Variants in CDH18 observed in about 807,000 individuals in gnomAD.
The protein encoded by CDH18 is cadherin-18.
CDH18 carries 31 observed loss-of-function variants against 67.9 expected under a neutral mutation model. The ratio of observed to expected loss-of-function variants is 0.46; its 90% CI spans 0.34 to 0.62. The LOEUF (loss-of-function observed/expected upper bound fraction) is 0.62, where lower values mean the gene tolerates loss of function less well. Ranked by LOEUF, CDH18 falls within the 20% of genes least tolerant of loss-of-function variation. The probability of loss-of-function intolerance (pLI) is 0.01; values close to 1 mark genes in which losing one functional copy is unlikely to be tolerated. For missense variants in CDH18, 890 were observed against 975.5 expected, an observed-to-expected ratio of 0.91 and a Z score of 1.17; for synonymous variants, 362 against 347.2, an observed-to-expected ratio of 1.04 and a Z score of -0.48.
At chr5:19,565,506 A>G (rs924861410) in intron 8 of CDH18, among the ~76,000 whole-genome samples, 1 of 152,332 alleles carries the variant, frequency 6.6e-6, no homozygotes, top group African/African-American at 2.4e-5. Context: ...GTACCCCCTA[A>G]TGCAGATATA....
At chr5:19,553,777 A>G (rs1580173626) in intron 8 of CDH18, among the ~76,000 whole-genome samples, 1 of 151,532 alleles carries the variant, frequency 6.6e-6, no homozygotes, top group Admixed American at 6.6e-5. Flanking sequence ...AGAAGCTGGG[A>G]CCATAGGTGT....
At chr5:19,644,727 G>A (rs1198451010) in intron 5 of CDH18, among the ~76,000 whole-genome samples, 1 of 152,192 alleles carries the variant, frequency 6.6e-6, no homozygotes, top group East Asian at 1.9e-4. Flanking sequence ...GACCCGTGAA[G>A]CATCTGCACC....
rs1419404378 is a variant in CDH18 at position 20,429,056 on chromosome 5, AT to A, written c.-580+146405del. Among the ~76,000 whole-genome samples, 4 of 148,268 alleles carry A rather than the reference AT, an allele frequency of 2.7e-5. No homozygotes were observed. In the East Asian group the frequency reaches 8.1e-4, roughly 30 times the overall value. ...TGTAAAAGAGCACAAACACTCGTCTATTTTTTTTGCTGATACCTCTTTTTTT... is the reference window on the plus strand; with the variant it reads ...TGTAAAAGAGCACAAACACTCGTCTATTTTTTTGCTGATACCTCTTTTTTT... On this transcript the variant is annotated intron_variant, in intron 1 of 14. Transcript: ENST00000507958.
intron 2 of CDH18, among the ~76,000 whole-genome samples, chr5:20,252,786 CATT>C (rs779173850): frequency 1.3e-5 from 2 of 151,580 alleles, no homozygotes; most frequent in South Asian, 2.1e-4. Context: ...AATTACAAAA[CATT>C]AGCCGGGCGT....
At chr5:20,195,133 C>T (rs1007274079) in intron 2 of CDH18, among the ~76,000 whole-genome samples, 3 of 152,000 alleles carry the variant, frequency 2.0e-5, no homozygotes, top group African/African-American at 7.2e-5. Context: ...TATTCAAAAA[C>T]AGTCAATTTT....
chr5:19,944,941 CA>C (rs1237812956), intron 2 of CDH18, among the ~76,000 whole-genome samples: 1 of 152,112 alleles, frequency 6.6e-6, no homozygotes, highest in Non-Finnish European at 1.5e-5. Flanking sequence ...GGGAGGCCTA[CA>C]ACCTCAAATC....
chr5:20,496,780 A>C (rs1753933914), intron 1 of CDH18, among the ~76,000 whole-genome samples: 2 of 152,164 alleles, frequency 1.3e-5, no homozygotes, highest in Admixed American at 6.6e-5. Context: ...TTCTCCATGC[A>C]ATCAAACACC....
At chr5:19,994,688 C>T (rs1735745518) in intron 2 of CDH18, among the ~76,000 whole-genome samples, 2 of 103,006 alleles carry the variant, frequency 1.9e-5, no homozygotes, top group South Asian at 3.5e-4. Context: ...AAGTCAAATG[C>T]TAACCTCTTC....
At chr5:20,232,171 A>ATT in intron 2 of CDH18, among the ~76,000 whole-genome samples, 1 of 147,140 alleles carries the variant, frequency 6.8e-6, no homozygotes, top group African/African-American at 2.5e-5. Flanking sequence ...GTTTCTATTT[A>ATT]TTTTTTTTTT....
chr5:19,846,478 C>T (rs1782966604), intron 2 of CDH18, among the ~76,000 whole-genome samples: 1 of 152,104 alleles, frequency 6.6e-6, no homozygotes. Flanking sequence ...TTTACCTTTA[C>T]TATCAAGCTT....
chr5:20,017,966 A>T (rs1444892280), intron 2 of CDH18, among the ~76,000 whole-genome samples: 1 of 152,226 alleles, frequency 6.6e-6, no homozygotes, highest in Non-Finnish European at 1.5e-5. Context: ...ATAAGGATTC[A>T]TTTAAAGGCA....
At chr5:19,665,764 G>A (rs1169962756) in intron 5 of CDH18, among the ~76,000 whole-genome samples, 1 of 152,048 alleles carries the variant, frequency 6.6e-6, no homozygotes, top group Non-Finnish European at 1.5e-5. Flanking sequence ...ACCTACGAGA[G>A]AAGTGTGTTG....
chr5:20,134,730 T>A (rs1580320481), intron 2 of CDH18, among the ~76,000 whole-genome samples: 1 of 152,174 alleles, frequency 6.6e-6, no homozygotes, highest in East Asian at 1.9e-4. Context: ...TTTGTTTTGG[T>A]TCTTTGTTTA....
intron 1 of CDH18, among the ~76,000 whole-genome samples, chr5:20,415,050 T>G (rs1308433546): frequency 1.3e-5 from 2 of 152,182 alleles, no homozygotes; most frequent in African/African-American, 4.8e-5. Flanking sequence ...TGCAGCAGTA[T>G]GCATAGCAGC....
intron 2 of CDH18, among the ~76,000 whole-genome samples, chr5:20,020,563 G>A (rs2150432085): frequency 6.6e-6 from 1 of 152,218 alleles, no homozygotes; most frequent in South Asian, 2.1e-4. Context: ...ATGGATAAAG[G>A]GGCCCCAGAT....
intron 2 of CDH18, among the ~76,000 whole-genome samples, chr5:20,222,090 T>C (rs942590475): frequency 6.6e-6 from 1 of 152,122 alleles, no homozygotes; most frequent in African/African-American, 2.4e-5. Context: ...TCTACACTTA[T>C]TATAAACTGC....
chr5:20,268,276 T>C (rs919215422), intron 1 of CDH18, among the ~76,000 whole-genome samples: 1 of 152,224 alleles, frequency 6.6e-6, no homozygotes, highest in African/African-American at 2.4e-5. Flanking sequence ...TTGTGTCTTT[T>C]TGGGTATTCC....
chr5:20,501,717 TTGTG>T (rs1170488048), intron 1 of CDH18, among the ~76,000 whole-genome samples: 53,725 of 121,062 alleles, frequency 0.44, 12,079 homozygotes, highest in Middle Eastern at 0.55. Context: ...TCTTAAGGAT[TTGTG>T]TGTGTGTGTG....
At chr5:20,148,279 A>ATTTTT (rs1750820671) in intron 2 of CDH18, among the ~76,000 whole-genome samples, 2 of 151,586 alleles carry the variant, frequency 1.3e-5, no homozygotes, top group African/African-American at 2.4e-5. Context: ...TTTTATTTTT[A>ATTTTT]ATAGAGACAG....
Sources: allele counts gnomAD v4.1 joint callset (sites outside exome capture counted in the v4.1 genomes callset), GRCh38; gene constraint gnomAD v4.1.1; transcripts MANE v1.5; gene names NCBI Gene and HGNC (gene_info 2026-07-23, HGNC 2026-07-21).